Variants in CLIC1 observed in about 807,000 individuals in gnomAD.
CLIC1 encodes CLIC family member 1, also known as chloride intracellular channel protein 1.
In CLIC1, 16 loss-of-function variants were observed where a neutral mutation model predicts 26.4. The observed-to-expected ratio is 0.61, with a 90% CI of 0.41 to 0.92. CLIC1 has a LOEUF of 0.92. Ranked by LOEUF, CLIC1 falls within the 40% of genes least tolerant of loss-of-function variation. CLIC1 has a pLI of 0.00. For missense variants in CLIC1, 225 were observed against 289.7 expected, an observed-to-expected ratio of 0.78 and a Z score of 1.62; for synonymous variants, 98 against 120.8, an observed-to-expected ratio of 0.81 and a Z score of 1.24.
intron 5 of CLIC1, among the ~76,000 whole-genome samples, chr6:31,731,681 C>A (rs1807960617): frequency 1.3e-5 from 2 of 152,334 alleles, no homozygotes; most frequent in South Asian, 4.1e-4. Context: ...GAGAGCAAGG[C>A]CCAGTCACCA....
At chr6:31,731,138 CACTT>C in intron 5 of CLIC1, 135 bp from the exon 6 acceptor site, 1 of 640,548 alleles carries the variant, frequency 1.6e-6, no homozygotes, top group East Asian at 3.1e-5. Flanking sequence ...CCTTCCTTCT[CACTT>C]ACTGAAATCC....
chr6:31,730,596 T>A lies in CLIC1; in HGVS notation c.*246A>T. Reference sequence around the variant, plus strand: ...TAAATCCCCATTGCGTAAAAACACTTGATTTTTATTCTGTATTTTATTACT... The same window carrying A: ...TAAATCCCCATTGCGTAAAAACACTAGATTTTTATTCTGTATTTTATTACT... On this transcript the variant is annotated 3_prime_UTR_variant, in exon 6 of 6. Transcript: ENST00000375784. The surrounding 1 kb of genome is among the most constrained non-coding windows in gnomAD (Gnocchi z 5.1). 2 of 516,052 alleles carry A rather than the reference T, an allele frequency of 3.9e-6. No individual in the cohort carries two copies. Among genetic ancestry groups the A allele is most frequent in the Non-Finnish European group, 6.9e-6 (2 of 290,666 alleles). The allele number at this position is 516,052 out of a possible 1,614,324, so 32.0% of individuals were successfully genotyped here.
rs2151317002 is a variant in CLIC1, at chr6:31,733,122, A to T, written c.382+444T>A. ...GCGACAGAACGAGACTCCATCTCAAAAAAAAAGAAAAAAAAAAATTTATAT... is the reference window on the plus strand; with the variant it reads ...GCGACAGAACGAGACTCCATCTCAATAAAAAAGAAAAAAAAAAATTTATAT... On this transcript the variant is annotated intron_variant, in intron 4 of 5. Coordinates refer to ENST00000375784, the Ensembl canonical transcript of CLIC1. This position sits in a 1 kb window ranked among gnomAD's most constrained non-coding sequence, Gnocchi z 5.4. Among the ~76,000 whole-genome samples the T allele has an allele frequency of 6.8e-6, 1 of 146,334 alleles. No homozygotes were observed. Among genetic ancestry groups the T allele is most frequent in the Middle Eastern group, 3.5e-3 (1 of 288 alleles).
In CLIC1 at chr6:31,732,192, C is replaced by G; in HGVS notation, c.564+25G>C. ...TTAAAGGGCCACTCCAGTGGTCATC[C>G]TCTCCTCCCGCAATAACCACACACC... On this transcript the variant is annotated intron_variant, in intron 5 of 5. Coordinates refer to ENST00000375784, the Ensembl canonical transcript of CLIC1. This position sits in a 1 kb window ranked among gnomAD's most constrained non-coding sequence, Gnocchi z 5.0. 7.0e-7 allele frequency: 1 copy of G among 1,419,760 alleles called. No homozygotes were observed. Among genetic ancestry groups the G allele is most frequent in the Non-Finnish European group, 9.3e-7 (1 of 1,076,262 alleles). 87.9% of individuals were successfully genotyped at this position (1,419,760 alleles called of 1,614,324 possible). A position where few individuals can be genotyped will look rare whatever the true frequency, so the allele number is the denominator to read the frequency against.
intron 5 of CLIC1, 76 bp from the exon 6 acceptor site, chr6:31,731,079 C>G: frequency 7.4e-7 from 1 of 1,352,080 alleles, no homozygotes; most frequent in Non-Finnish European, 1.0e-6. Context: ...CTCCCCAGGC[C>G]GACATGATAA....
At chr6:31,736,615 C>G (rs1365070764), upstream of CLIC1, 22 of 1,252,192 alleles carry the variant, frequency 1.8e-5, no homozygotes, top group Non-Finnish European at 2.1e-5. The surrounding 1 kb of genome is among the most constrained non-coding windows in gnomAD (Gnocchi z 5.0). Context: ...GGGAGTGAGT[C>G]CGGAAGGGGA....
chr6:31,731,395 G>A (rs542098235), intron 5 of CLIC1, among the ~76,000 whole-genome samples: 15 of 151,810 alleles, frequency 9.9e-5, no homozygotes, highest in Admixed American at 5.3e-4. Flanking sequence ...TCCGCCTCCC[G>A]GGTTCAAGTG....
intron 5 of CLIC1, 125 bp from the exon 6 acceptor site, chr6:31,731,128 C>G: frequency 1.4e-6 from 1 of 702,842 alleles, no homozygotes; most frequent in Non-Finnish European, 2.3e-6. Flanking sequence ...CTGTCGTTAG[C>G]CTTCCTTCTC....
Position 31,736,253 on chromosome 6 carries a change from T to C in CLIC1, c.39+9A>G. On this transcript the variant is annotated intron_variant, in intron 1 of 5. Transcript: ENST00000375784. The surrounding 1 kb of genome is among the most constrained non-coding windows in gnomAD (Gnocchi z 5.0). Reference sequence around the variant, plus strand: ...GAATTTGGGTGGCTGAGGAGAGAAGTGTTCTTACCTTCACGAACAATTCGA... The same window carrying C: ...GAATTTGGGTGGCTGAGGAGAGAAGCGTTCTTACCTTCACGAACAATTCGA... 6.2e-7 allele frequency: 1 copy of C among 1,612,634 alleles called. No homozygotes were observed. Among genetic ancestry groups the C allele is most frequent in the Non-Finnish European group, 8.5e-7 (1 of 1,179,858 alleles).
At position 31,733,437 on chromosome 6, in the gene CLIC1, C is replaced by T. The variant is rs962852565; in HGVS notation, c.382+129G>A. The T allele has an allele frequency of 2.5e-5, 17 of 671,898 alleles. 1 individual carries two copies. In the African/African-American group the frequency reaches 2.5e-4, roughly 10 times the overall value. The allele number at this position is 671,898 out of a possible 1,614,324, so 41.6% of individuals were successfully genotyped here. Reference sequence around the variant, plus strand: ...ATAGAGGTAAAGCAAAAATGGGAAGCTGGGGGAAATTTACGAACATCTGCT... The same window carrying T: ...ATAGAGGTAAAGCAAAAATGGGAAGTTGGGGGAAATTTACGAACATCTGCT... On this transcript the variant is annotated intron_variant, in intron 4 of 5. Coordinates refer to ENST00000375784, the Ensembl canonical transcript of CLIC1. The surrounding 1 kb of genome is among the most constrained non-coding windows in gnomAD (Gnocchi z 5.4).
rs766616066 is a variant in CLIC1 at position 31,732,340 on chromosome 6, G to C, written c.441C>G (p.Pro147=). The stretch of plus-strand genomic sequence containing the variant: ...TGGTTTCATCCACTTCTTCTGGGAG[G>C]GGGGATGTTAAGTAATTGTCTAAAA... The change falls in exon 5 of 6, where the codon CCC becomes CCG. Residue 147 remains proline (P), a synonymous_variant. Coordinates refer to ENST00000375784, the Ensembl canonical transcript of CLIC1. This position sits in a 1 kb window ranked among gnomAD's most constrained non-coding sequence, Gnocchi z 5.0. 1.3e-6 allele frequency: 2 copies of C among 1,594,498 alleles called. No individual in the cohort carries two copies. The highest frequency in any genetic ancestry group is 1.7e-6 in the Non-Finnish European group (2 of 1,171,204).
Position 31,732,212 on chromosome 6 carries a change from C to G in CLIC1, c.564+5G>C, listed in dbSNP as rs879232579. On this transcript the variant is annotated splice_donor_5th_base_variant and intron_variant, in intron 5 of 5. Coordinates refer to ENST00000375784, the Ensembl canonical transcript of CLIC1. The surrounding 1 kb of genome is among the most constrained non-coding windows in gnomAD (Gnocchi z 5.0). ...TCATCCTCTCCTCCCGCAATAACCA[C>G]ACACCTGTACTATGTGTAACTTTGG... 1 of 1,465,370 alleles carries G rather than the reference C, an allele frequency of 6.8e-7. No individual in the cohort carries two copies. Among genetic ancestry groups the G allele is most frequent in the Admixed American group, 2.3e-5 (1 of 42,864 alleles). 90.8% of individuals were successfully genotyped at this position (1,465,370 alleles called of 1,614,324 possible). A position where few individuals can be genotyped will look rare whatever the true frequency, so the allele number is the denominator to read the frequency against.
At position 31,730,859 on chromosome 6, in the gene CLIC1, C is replaced by A. The variant is rs775621190; in HGVS notation, c.709G>T (p.Ala237Ser). ...GGAGGGGCTTATTTGAGGGCCTTTG[C>A]CACTTGCTCATAGGCGAGCTCGATC... Residue 237 changes from alanine to serine, a missense_variant, in exon 6 of 6, where the codon GCA becomes TCA. Coordinates refer to ENST00000375784, the Ensembl canonical transcript of CLIC1. The surrounding 1 kb of genome is among the most constrained non-coding windows in gnomAD (Gnocchi z 5.1). The A allele has an allele frequency of 6.2e-7, 1 of 1,613,038 alleles. No individual in the cohort carries two copies. Among genetic ancestry groups the A allele is most frequent in the Non-Finnish European group, 8.5e-7 (1 of 1,180,018 alleles).
In CLIC1 at chr6:31,734,605, C is replaced by T. The variant is rs1361998648; in HGVS notation, c.40-342G>A. ...AGTTGTAGGCTAGAAGCCTGGATTT[C>T]TGGGTTCCTGAAGGGAGTAGAGTCT... On this transcript the variant is annotated intron_variant, in intron 1 of 5. Transcript: ENST00000375784. This position sits in a 1 kb window ranked among gnomAD's most constrained non-coding sequence, Gnocchi z 5.3. 1.3e-5 allele frequency among the ~76,000 whole-genome samples: 2 copies of T among 152,140 alleles called. No individual in the cohort carries two copies. Among genetic ancestry groups the T allele is most frequent in the Non-Finnish European group, 2.9e-5 (2 of 68,014 alleles).
In CLIC1 at chr6:31,733,206, A is replaced by G. The variant is rs1465404119; in HGVS notation, c.382+360T>C. Among the ~76,000 whole-genome samples the G allele has an allele frequency of 6.6e-6, 1 of 152,144 alleles. No homozygotes were observed. Among genetic ancestry groups the G allele is most frequent in the Non-Finnish European group, 1.5e-5 (1 of 68,030 alleles). On this transcript the variant is annotated intron_variant, in intron 4 of 5. Transcript: ENST00000375784. This position sits in a 1 kb window ranked among gnomAD's most constrained non-coding sequence, Gnocchi z 5.4. ...TGTGGATCTGGAAATGGACTTACAG[A>G]GAGGTGAAATGATTGCTCAAAATTA...
Position 31,733,647 on chromosome 6 carries a change from G to A in CLIC1, c.301C>T (p.Pro101Ser). The A allele has an allele frequency of 6.2e-7, 1 of 1,613,034 alleles. No homozygotes were observed. Among genetic ancestry groups the A allele is most frequent in the Non-Finnish European group, 8.5e-7 (1 of 1,179,994 alleles). The change falls in exon 4 of 6, where the codon CCT (proline) becomes TCT (serine). Residue 101 changes from proline (P) to serine (S), a missense_variant. Physicochemically the swap from Pro to Ser is moderately conservative, Grantham distance 74 (BLOSUM62 -1). Transcript: ENST00000375784. This position sits in a 1 kb window ranked among gnomAD's most constrained non-coding sequence, Gnocchi z 5.4. ...TCCAGCCCAGCTGTGTTGGACTCAG[G>A]GTTCAGAGCTGCCAGCTTGGGGTAC... is the stretch of plus-strand genomic sequence containing the variant.
At chr6:31,735,633 G>T (rs574191288) in intron 1 of CLIC1, among the ~76,000 whole-genome samples, 1 of 151,922 alleles carries the variant, frequency 6.6e-6, no homozygotes, top group Non-Finnish European at 1.5e-5. Context: ...CTCCCCTTCT[G>T]TCCCTTTCCC....
chr6:31,732,216 C>A lies in CLIC1; in HGVS notation c.564+1G>T. 6.5e-7 allele frequency: 1 copy of A among 1,535,980 alleles called. No individual in the cohort carries two copies. Among genetic ancestry groups the A allele is most frequent in the Non-Finnish European group, 8.8e-7 (1 of 1,140,510 alleles). Reference sequence around the variant, plus strand: ...CCTCTCCTCCCGCAATAACCACACACCTGTACTATGTGTAACTTTGGCAAC... The same window carrying A: ...CCTCTCCTCCCGCAATAACCACACAACTGTACTATGTGTAACTTTGGCAAC... On this transcript the variant is annotated splice_donor_variant, in intron 5 of 5. Coordinates refer to ENST00000375784, the Ensembl canonical transcript of CLIC1. LOFTEE classifies it high-confidence loss of function. This position sits in a 1 kb window ranked among gnomAD's most constrained non-coding sequence, Gnocchi z 5.0.
Position 31,732,554 on chromosome 6 carries a change from T to C in CLIC1, c.383-156A>G, listed in dbSNP as rs1808048460. Among the ~76,000 whole-genome samples, 2 of 152,150 alleles carry C rather than the reference T, an allele frequency of 1.3e-5. No individual in the cohort carries two copies. The highest frequency in any genetic ancestry group is 2.9e-5 in the Non-Finnish European group (2 of 68,022). Reference sequence around the variant, plus strand: ...GTGTTATTCTAAGCACTTTACATTTTATTTTATGTTAGACGGAGTCTTGCT... The same window carrying C: ...GTGTTATTCTAAGCACTTTACATTTCATTTTATGTTAGACGGAGTCTTGCT... On this transcript the variant is annotated intron_variant, in intron 4 of 5. Coordinates refer to ENST00000375784, the Ensembl canonical transcript of CLIC1. This position sits in a 1 kb window ranked among gnomAD's most constrained non-coding sequence, Gnocchi z 5.0.
Sources: allele counts gnomAD v4.1 joint callset (sites outside exome capture counted in the v4.1 genomes callset), GRCh38; gene constraint gnomAD v4.1.1; non-coding constraint Gnocchi (gnomAD v3.1); transcripts MANE v1.5; gene names NCBI Gene and HGNC (gene_info 2026-07-23, HGNC 2026-07-21).